Variants in ASIC5 observed in about 807,000 individuals in gnomAD.
ASIC5 encodes the protein bile acid-sensitive ion channel.
In ASIC5, 52 loss-of-function variants were observed where a neutral mutation model predicts 51.2. That is an observed-to-expected ratio of 1.02 (90% CI 0.81 to 1.28). The LOEUF (loss-of-function observed/expected upper bound fraction) is 1.28. Among genes scored for constraint, ASIC5 ranks in the 50% most tolerant of loss-of-function variants. The probability of loss-of-function intolerance (pLI) is 0.00; values close to 1 mark genes in which losing one functional copy is unlikely to be tolerated. For synonymous variants in ASIC5, 231 were observed against 200.7 expected (o/e 1.15, Z -1.28); for missense variants, 635 against 595.0 (o/e 1.07, Z -0.70).
chr4:155,860,544 A>G (rs911042350), intron 2 of ASIC5, among the ~76,000 whole-genome samples: 1 of 151,918 alleles, frequency 6.6e-6, no homozygotes, highest in Non-Finnish European at 1.5e-5. Flanking sequence ...CTGTAAAATT[A>G]TACTTTGGGA....
At chr4:155,848,791 G>A (rs1354121554) in intron 4 of ASIC5, among the ~76,000 whole-genome samples, 2 of 152,068 alleles carry the variant, frequency 1.3e-5, no homozygotes, top group Non-Finnish European at 2.9e-5. Context: ...AAATGTTCAT[G>A]AGTATTAAAC....
intron 4 of ASIC5, among the ~76,000 whole-genome samples, chr4:155,848,670 T>C (rs921126325): frequency 4.6e-5 from 7 of 152,018 alleles, no homozygotes; most frequent in Non-Finnish European, 1.0e-4. Flanking sequence ...GAAGGTGTTT[T>C]TATAATCAGC....
In ASIC5 at chr4:155,852,199, C is replaced by G. The variant is rs750230770; in HGVS notation, c.703G>C (p.Val235Leu). The G allele has an allele frequency of 6.2e-7, 1 of 1,611,826 alleles. No individual in the cohort carries two copies. The highest frequency in any genetic ancestry group is 1.3e-5 in the African/African-American group (1 of 74,772). ...SGRGLSLLFN[V>L]NQEAFTDNPA... ...TGGAGAAAATTCAGTACCTGATTCA[C>G]ATTGAAGAGTAAGCTCAAACCTCTT... Residue 235 changes from valine to leucine, a missense_variant, in exon 4 of 10, where the codon GTG (valine) becomes CTG (leucine). Physicochemically the swap from Val to Leu is conservative, Grantham distance 32. Coordinates refer to ENST00000537611, the MANE Select transcript of ASIC5 (RefSeq NM_017419.3).
chr4:155,863,870 A>C, intron 1 of ASIC5, 116 bp from the exon 2 acceptor site: 1 of 818,940 alleles, frequency 1.2e-6, no homozygotes, highest in Non-Finnish European at 1.9e-6. Context: ...TTTACTTGTA[A>C]TTCATAGAAA....
rs1249258462 is a variant in ASIC5 at position 155,839,043 on chromosome 4, G to C, written c.1010-174C>G. Among the ~76,000 whole-genome samples, 4 of 152,068 alleles carry C rather than the reference G, an allele frequency of 2.6e-5. No homozygotes were observed. In the East Asian group the frequency reaches 7.7e-4, roughly 29 times the overall value. ...AACTATGGAATCAAGTTAGTATCCA[G>C]TGAAAATATGTGTTGGGAGGAAGAA... On this transcript the variant is annotated intron_variant, in intron 6 of 9. Coordinates refer to ENST00000537611, the MANE Select transcript of ASIC5 (RefSeq NM_017419.3).
At chr4:155,836,300 A>T (rs1740977802) in intron 8 of ASIC5, among the ~76,000 whole-genome samples, 1 of 152,222 alleles carries the variant, frequency 6.6e-6, no homozygotes, top group Admixed American at 6.5e-5. Context: ...CTTCTGTAAA[A>T]TTAGAATATT....
chr4:155,850,377 A>C (rs1322318758), intron 4 of ASIC5, among the ~76,000 whole-genome samples: 1 of 152,040 alleles, frequency 6.6e-6, no homozygotes, highest in Non-Finnish European at 1.5e-5. Context: ...TAGATATATT[A>C]ATTGATGTCT....
At chr4:155,836,233 G>A (rs1650716799) in intron 8 of ASIC5, among the ~76,000 whole-genome samples, 2 of 151,976 alleles carry the variant, frequency 1.3e-5, no homozygotes, top group South Asian at 4.2e-4. Context: ...CTTCTTTCTG[G>A]GCCCCTGACT....
intron 7 of ASIC5, among the ~76,000 whole-genome samples, chr4:155,837,161 AG>A: frequency 2.0e-4 from 1 of 4,996 alleles, no homozygotes; most frequent in South Asian, 6.6e-3. Flanking sequence ...TTTGGACAGA[AG>A]AATATCTGGG....
Position 155,832,885 on chromosome 4 carries a change from T to C in ASIC5, c.1236-970A>G, listed in dbSNP as rs375607509. ...TAACTGGTCTTTCTGTTTCCAACTT[T>C]AGTGCACCCCACTTCAACAAATATT... On this transcript the variant is annotated intron_variant, in intron 8 of 9. Coordinates refer to ENST00000537611, the MANE Select transcript of ASIC5 (RefSeq NM_017419.3). Among the ~76,000 whole-genome samples, 11 of 152,266 alleles carry C rather than the reference T, an allele frequency of 7.2e-5. 1 individual carries two copies. Among genetic ancestry groups the C allele is most frequent in the African/African-American group, 2.6e-4 (11 of 41,550 alleles).
intron 8 of ASIC5, among the ~76,000 whole-genome samples, chr4:155,833,853 T>C (rs991803927): frequency 1.3e-5 from 2 of 152,204 alleles, no homozygotes; most frequent in Non-Finnish European, 2.9e-5. Context: ...CTCATGGCAA[T>C]AGTGAAATTG....
intron 6 of ASIC5, among the ~76,000 whole-genome samples, chr4:155,841,773 C>T (rs977942395): frequency 4.7e-4 from 72 of 152,130 alleles, no homozygotes; most frequent in Middle Eastern, 3.4e-3. Context: ...ATTGGGGCCC[C>T]ACCCTGATAT....
At chr4:155,860,896 C>T (rs1248680367) in intron 2 of ASIC5, among the ~76,000 whole-genome samples, 1 of 151,826 alleles carries the variant, frequency 6.6e-6, no homozygotes, top group Non-Finnish European at 1.5e-5. Flanking sequence ...TTTACAGTTA[C>T]AACTTTCCCT....
rs1741175048 is a variant in ASIC5, at chr4:155,843,753, C to A, written c.789G>T (p.Val263=). ...ACAAGCCTAACCCATCAAACTGTGG[C>A]ACCTTCTTTGGTGAATGGATAACAA... ...IIFVIHSPKK[V]PQFDGLGLLS... Residue 263 remains valine, a synonymous_variant, in exon 5 of 10, where the codon GTG becomes GTT. Coordinates refer to ENST00000537611, the MANE Select transcript of ASIC5 (RefSeq NM_017419.3). 6.2e-7 allele frequency: 1 copy of A among 1,613,568 alleles called. No homozygotes were observed. Among genetic ancestry groups the A allele is most frequent in the African/African-American group, 1.3e-5 (1 of 74,888 alleles).
chr4:155,863,261 G>T (rs758111545), intron 2 of ASIC5, among the ~76,000 whole-genome samples, 187 bp downstream of exon 2: 1 of 152,084 alleles, frequency 6.6e-6, no homozygotes, highest in South Asian at 2.1e-4. Flanking sequence ...GAAAATAAGT[G>T]AAAGAAGAAA....
At chr4:155,843,904 T>G in intron 4 of ASIC5, 74 bp from the exon 5 acceptor site, 1 of 1,378,988 alleles carries the variant, frequency 7.3e-7, no homozygotes, top group Non-Finnish European at 1.0e-6. Flanking sequence ...GGATTTAGTT[T>G]TATCATCTCA....
intron 2 of ASIC5, among the ~76,000 whole-genome samples, chr4:155,858,110 A>G (rs1427783903): frequency 6.6e-6 from 1 of 152,082 alleles, no homozygotes; most frequent in Non-Finnish European, 1.5e-5. Context: ...AATGAATATA[A>G]ATTTTTGATG....
Position 155,854,120 on chromosome 4 carries a change from G to C in ASIC5, c.542C>G (p.Thr181Ser). ...TCCAAAAAACTCACAGTCCAACAAA[G>C]TGCTATTGTTGAGATAAAAACCTTT... ...RNKGFYLNNS[T>S]LLDCEFFGKP... is the part of the protein sequence containing the mutation. Residue 181 changes from threonine (T) to serine (S), a missense_variant, in exon 3 of 10, where the codon ACT (threonine) becomes AGT (serine). By Grantham distance (58) the Thr-to-Ser change is moderately conservative. Coordinates refer to ENST00000537611, the MANE Select transcript of ASIC5 (RefSeq NM_017419.3). 1 of 1,613,274 alleles carries C rather than the reference G, an allele frequency of 6.2e-7. No individual in the cohort carries two copies. Among genetic ancestry groups the C allele is most frequent in the Non-Finnish European group, 8.5e-7 (1 of 1,179,534 alleles).
chr4:155,859,672 A>G (rs1231624118), intron 2 of ASIC5, among the ~76,000 whole-genome samples: 1 of 152,080 alleles, frequency 6.6e-6, no homozygotes, highest in African/African-American at 2.4e-5. Flanking sequence ...GCAACTTAGA[A>G]CAATGGGCTT....
Sources: gnomAD v4.1 joint callset for allele counts (sites outside exome capture counted in the v4.1 genomes callset) on GRCh38, gnomAD v4.1.1 for gene constraint, MANE v1.5 for transcripts, NCBI Gene and HGNC (gene_info 2026-07-23, HGNC 2026-07-21) for gene names.